The following TGFBR2 variants were observed in gnomAD, a reference collection of about 807,000 sequenced individuals.
TGFBR2 encodes the protein transforming growth factor beta receptor 2, also known as TGF-beta receptor type-2.
In TGFBR2, 18 loss-of-function variants were observed where a neutral mutation model predicts 49.0. That is an observed-to-expected ratio of 0.37 (90% CI 0.25 to 0.54). The LOEUF is 0.54. Ranked by LOEUF, TGFBR2 falls within the 20% of genes least tolerant of loss-of-function variation. The pLI, the probability that TGFBR2 is intolerant of heterozygous loss-of-function variation, is 0.85. For missense variants in TGFBR2, 525 were observed against 722.6 expected (o/e 0.73, Z 3.13); for synonymous variants, 282 against 275.9 (o/e 1.02, Z -0.22).
At position 30,606,958 on chromosome 3, in the gene TGFBR2, A is replaced by G. The variant is rs572435149; in HGVS notation, c.75A>G (p.Pro25=). The change falls in exon 1 of 7, where the codon CCA becomes CCG. Residue 25 remains proline (P), a synonymous_variant. Coordinates refer to ENST00000295754, the MANE Select transcript of TGFBR2 (RefSeq NM_003242.6). ...VLWTRIASTI[P]PHVQKSVNND... is the part of the protein sequence containing the mutation. ...GGACGCGTATCGCCAGCACGATCCCACCGCACGTTCAGAAGTCGGGTGAGT... is the reference window on the plus strand; with the variant it reads ...GGACGCGTATCGCCAGCACGATCCCGCCGCACGTTCAGAAGTCGGGTGAGT... 2.8e-5 allele frequency: 45 copies of G among 1,601,084 alleles called. No homozygotes were observed. The Middle Eastern group carries it at 1.5e-3, about 53-fold the overall frequency.
At chr3:30,683,814 T>C (rs1699575909) in intron 5 of TGFBR2, among the ~76,000 whole-genome samples, 1 of 152,176 alleles carries the variant, frequency 6.6e-6, no homozygotes, top group Non-Finnish European at 1.5e-5. Context: ...GGCCATCAAC[T>C]TGTTGCCAAT....
chr3:30,619,537 C>T lies in TGFBR2; in HGVS notation c.94+12560C>T, dbSNP rs538614281. ...GGACACAGGACCAGTTTGATGACTACGTGCACAGATGAAGCCAAACCTCTT... is the reference window on the plus strand; with the variant it reads ...GGACACAGGACCAGTTTGATGACTATGTGCACAGATGAAGCCAAACCTCTT... On this transcript the variant is annotated intron_variant, in intron 1 of 6. Coordinates refer to ENST00000295754, the MANE Select transcript of TGFBR2 (RefSeq NM_003242.6). Among the ~76,000 whole-genome samples, 13 of 152,268 alleles carry T rather than the reference C, an allele frequency of 8.5e-5. 1 individual carries two copies. Among genetic ancestry groups the T allele is most frequent in the East Asian group, 1.9e-4 (1 of 5,172 alleles).
chr3:30,614,835 G>A (rs775614915), intron 1 of TGFBR2, among the ~76,000 whole-genome samples: 5 of 152,154 alleles, frequency 3.3e-5, no homozygotes, highest in Admixed American at 2.0e-4. Flanking sequence ...ATTCCTAATT[G>A]TTATACTGTA....
In TGFBR2 at chr3:30,666,723, AACTCCTGCCTC is replaced by A. The variant is rs1699251631; in HGVS notation, c.455-4913_455-4903del. 7.7e-5 allele frequency among the ~76,000 whole-genome samples: 11 copies of A among 142,900 alleles called. No homozygotes were observed. The South Asian group carries it at 1.1e-3, about 14-fold the overall frequency. The allele number at this position is 142,900 out of a possible 152,430, so 93.7% of individuals were successfully genotyped here. ...AGGATCATAGTGTGCTGCCGCCTTG[AACTCCTGCCTC>A]AAGTAAAGTAATCCTCCTGCCTCAG... On this transcript the variant is annotated intron_variant, in intron 3 of 6. Transcript: ENST00000295754.
At chr3:30,658,875 G>T (rs1485103982) in intron 3 of TGFBR2, among the ~76,000 whole-genome samples, 1 of 152,078 alleles carries the variant, frequency 6.6e-6, no homozygotes, top group African/African-American at 2.4e-5. Flanking sequence ...CCTTAATGTC[G>T]TTGCTTTACA....
At position 30,691,448 on chromosome 3, in the gene TGFBR2, C is replaced by G. The variant is rs1699707859; in HGVS notation, c.1553C>G (p.Thr518Ser). ...QGIQMVCETL[T>S]ECWDHDPEAR... is the part of the protein sequence containing the mutation. The stretch of plus-strand genomic sequence containing the variant: ...ATCCAGATGGTGTGTGAGACGTTGA[C>G]TGAGTGCTGGGACCACGACCCAGAG... Residue 518 changes from threonine to serine, a missense_variant, in exon 7 of 7, where the codon ACT (threonine) becomes AGT (serine). Coordinates refer to ENST00000295754, the MANE Select transcript of TGFBR2 (RefSeq NM_003242.6). The G allele has an allele frequency of 6.2e-7, 1 of 1,614,088 alleles. No individual in the cohort carries two copies. Among genetic ancestry groups the G allele is most frequent in the Non-Finnish European group, 8.5e-7 (1 of 1,179,966 alleles).
chr3:30,671,725 C>G lies in TGFBR2; in HGVS notation c.542C>G (p.Ser181Cys). 1 of 1,614,210 alleles carries G rather than the reference C, an allele frequency of 6.2e-7. No individual in the cohort carries two copies. The highest frequency in any genetic ancestry group is 8.5e-7 in the Non-Finnish European group (1 of 1,180,040). Residue 181 changes from serine to cysteine, a missense_variant, in exon 4 of 7, where the codon TCT (serine) becomes TGT (cysteine). Around this residue, in one of 3 missense-constraint regions of TGFBR2, gnomAD observed 376 missense variants for 478.2 expected, o/e 0.79. Transcript: ENST00000295754. ...SLLPPLGVAI[S>C]VIIIFYCYRV... ...CTGCCACCACTGGGAGTTGCCATAT[C>G]TGTCATCATCATCTTCTACTGCTAC...
chr3:30,670,820 A>G (rs1412056119), intron 3 of TGFBR2, among the ~76,000 whole-genome samples: 1 of 152,234 alleles, frequency 6.6e-6, no homozygotes, highest in Non-Finnish European at 1.5e-5. Flanking sequence ...CATTGTTGCT[A>G]TTAAATATTT....
chr3:30,625,489 T>C (rs540846544), intron 1 of TGFBR2, among the ~76,000 whole-genome samples: 52 of 152,350 alleles, frequency 3.4e-4, no homozygotes, highest in Admixed American at 6.5e-4. Flanking sequence ...AATACAGCTT[T>C]CTCAGGAAAC....
At chr3:30,619,187 A>C (rs1698184786) in intron 1 of TGFBR2, among the ~76,000 whole-genome samples, 1 of 152,214 alleles carries the variant, frequency 6.6e-6, no homozygotes, top group Non-Finnish European at 1.5e-5. Context: ...CAGAAAAGTT[A>C]CGCAAAATCT....
At chr3:30,645,094 T>A (rs1336912564) in intron 2 of TGFBR2, among the ~76,000 whole-genome samples, 179 bp downstream of exon 2, 2 of 152,158 alleles carry the variant, frequency 1.3e-5, no homozygotes, top group African/African-American at 4.8e-5. Flanking sequence ...GTTCTCTGCA[T>A]GTATGTGTAC....
intron 1 of TGFBR2, among the ~76,000 whole-genome samples, chr3:30,622,882 A>C (rs1698258985): frequency 1.3e-4 from 2 of 14,818 alleles, no homozygotes; most frequent in African/African-American, 4.0e-4. Context: ...TTTGTCTCAA[A>C]AAAAAAAAAA....
intron 4 of TGFBR2, 105 bp from the exon 5 acceptor site, chr3:30,674,000 T>A (rs1699386984): frequency 1.4e-6 from 2 of 1,395,558 alleles, no homozygotes; most frequent in African/African-American, 1.4e-5. Context: ...TTTGATTTTT[T>A]AAAAAAATCC....
At chr3:30,678,955 G>A (rs191930322) in intron 5 of TGFBR2, among the ~76,000 whole-genome samples, 1 of 152,174 alleles carries the variant, frequency 6.6e-6, no homozygotes, top group Non-Finnish European at 1.5e-5. Context: ...AGGGACAGAA[G>A]ATTTCACAGA....
At chr3:30,687,003 T>C (rs1699633702) in intron 5 of TGFBR2, among the ~76,000 whole-genome samples, 1 of 152,150 alleles carries the variant, frequency 6.6e-6, no homozygotes, top group Non-Finnish European at 1.5e-5. Context: ...AATACAAGAA[T>C]GAGAAAGGGA....
chr3:30,648,460 A>ACACACACACCCACC (rs1553627538), intron 2 of TGFBR2, among the ~76,000 whole-genome samples: 6 of 142,382 alleles, frequency 4.2e-5, no homozygotes, highest in South Asian at 2.3e-4. Context: ...ACACACACAC[A>ACACACACACCCACC]CAAAACTGTG....
intron 3 of TGFBR2, among the ~76,000 whole-genome samples, chr3:30,665,116 C>T (rs961449445): frequency 4.6e-5 from 7 of 152,100 alleles, no homozygotes; most frequent in Non-Finnish European, 8.8e-5. Context: ...AAGCTCTAGC[C>T]GCAAGGATGT....
At chr3:30,669,810 T>C (rs1463468224) in intron 3 of TGFBR2, among the ~76,000 whole-genome samples, 1 of 152,210 alleles carries the variant, frequency 6.6e-6, no homozygotes, top group Non-Finnish European at 1.5e-5. Flanking sequence ...AGAAAATGAT[T>C]TGGGGCTGCT....
chr3:30,672,588 A>G lies in TGFBR2; in HGVS notation c.1254+151A>G. ...CCAAAGTATGGAGTCTGCCTTGAGC[A>G]TACTCTGCTCTGTCCTGCCTGAGCA... On this transcript the variant is annotated intron_variant, in intron 4 of 6. Transcript: ENST00000295754. This position sits in a 1 kb window ranked among gnomAD's most constrained non-coding sequence, Gnocchi z 4.5. 1 of 879,966 alleles carries G rather than the reference A, an allele frequency of 1.1e-6. No individual in the cohort carries two copies. 54.5% of individuals were successfully genotyped at this position (879,966 alleles called of 1,614,324 possible). A position where few individuals can be genotyped will look rare whatever the true frequency, so the allele number is the denominator to read the frequency against.
Sources: allele counts gnomAD v4.1 joint callset (sites outside exome capture counted in the v4.1 genomes callset), GRCh38; gene constraint gnomAD v4.1.1; regional missense constraint gnomAD v4.1.1; non-coding constraint Gnocchi (gnomAD v3.1); transcripts MANE v1.5; gene names NCBI Gene and HGNC (gene_info 2026-07-23, HGNC 2026-07-21).